GNAI1: variants seen among roughly 807,000 people sequenced by gnomAD.
The protein encoded by GNAI1 is G protein subunit alpha i1.
In GNAI1, 11 loss-of-function variants were observed where a neutral mutation model predicts 38.9. That is an observed-to-expected ratio of 0.28 (90% CI 0.18 to 0.47). GNAI1 has a LOEUF of 0.47. Ranked by LOEUF, GNAI1 falls within the 20% of genes least tolerant of loss-of-function variation. The pLI is 0.99. For missense variants in GNAI1, 317 were observed against 436.9 expected (o/e 0.73, Z 2.45); for synonymous variants, 166 against 145.1 (o/e 1.14, Z -1.04).
At position 80,224,889 on chromosome 7, in the gene GNAI1, T is replaced by C. The variant is rs1789133725; in HGVS notation, c.*7396T>C. On this transcript the variant is annotated 3_prime_UTR_variant, in exon 8 of 8. Transcript: ENST00000649796. ...TTAAAATTCTACTTTTTTTTACATT[T>C]TTAATGTGGTTTTGGAAAATAGGTA... is the stretch of plus-strand genomic sequence containing the variant. Among the ~76,000 whole-genome samples the C allele has an allele frequency of 6.6e-6, 1 of 152,238 alleles. No individual in the cohort carries two copies. The highest frequency in any genetic ancestry group is 1.5e-5 in the Non-Finnish European group (1 of 68,044).
intron 5 of GNAI1, among the ~76,000 whole-genome samples, chr7:80,205,098 A>G (rs573009266): frequency 6.6e-6 from 1 of 152,284 alleles, no homozygotes; most frequent in East Asian, 1.9e-4. Flanking sequence ...AGGAACACCA[A>G]ACACAAAGCC....
chr7:80,165,291 G>T (rs1584021214), intron 1 of GNAI1, among the ~76,000 whole-genome samples: 1 of 152,144 alleles, frequency 6.6e-6, no homozygotes, highest in East Asian at 1.9e-4. Context: ...GACCTTTCAA[G>T]TCCTTTCTTG....
chr7:80,210,346 A>G (rs913022483), intron 5 of GNAI1, among the ~76,000 whole-genome samples: 1 of 152,058 alleles, frequency 6.6e-6, no homozygotes, highest in Non-Finnish European at 1.5e-5. Flanking sequence ...AGGATCCCTC[A>G]TTTATTTCAT....
At position 80,221,131 on chromosome 7, in the gene GNAI1, G is replaced by A. The variant is rs1297142767; in HGVS notation, c.*3638G>A. Among the ~76,000 whole-genome samples the A allele has an allele frequency of 6.6e-6, 1 of 152,172 alleles. No homozygotes were observed. Among genetic ancestry groups the A allele is most frequent in the Non-Finnish European group, 1.5e-5 (1 of 68,040 alleles). On this transcript the variant is annotated 3_prime_UTR_variant, in exon 8 of 8. Transcript: ENST00000649796. ...TATGTTGGAAGTAGAAAGTGATGGT[G>A]AAAATCCTAGGCTCTGGCACCCCGT...
intron 4 of GNAI1, among the ~76,000 whole-genome samples, chr7:80,200,314 G>A (rs1206097199): frequency 3.8e-5 from 2 of 52,954 alleles, no homozygotes; most frequent in African/African-American, 3.6e-4. Context: ...GATGGAGTGA[G>A]GCCATGTCTC....
chr7:80,216,460 A>G (rs148188458), intron 7 of GNAI1, among the ~76,000 whole-genome samples: 1 of 152,180 alleles, frequency 6.6e-6, no homozygotes, highest in African/African-American at 2.4e-5. Flanking sequence ...CACAGACACT[A>G]TTGGTGAGGT....
At chr7:80,144,665 G>A (rs527580563) in intron 1 of GNAI1, among the ~76,000 whole-genome samples, 14 of 152,142 alleles carry the variant, frequency 9.2e-5, no homozygotes, top group East Asian at 3.9e-4. Flanking sequence ...TTTGACAGCC[G>A]TTGCTGAAGG....
At chr7:80,146,046 A>C (rs977125267) in intron 1 of GNAI1, among the ~76,000 whole-genome samples, 2 of 152,166 alleles carry the variant, frequency 1.3e-5, no homozygotes, top group Non-Finnish European at 2.9e-5. Flanking sequence ...CAGCTCAGGC[A>C]TTCCCTCTGC....
At chr7:80,177,024 C>CTTT (rs569135086) in intron 1 of GNAI1, among the ~76,000 whole-genome samples, 53 of 61,190 alleles carry the variant, frequency 8.7e-4, no homozygotes, top group East Asian at 2.0e-3. Context: ...GACAGCATAT[C>CTTT]TTTTTTTTTT....
intron 3 of GNAI1, among the ~76,000 whole-genome samples, chr7:80,198,127 T>C (rs775646958): frequency 9.9e-5 from 15 of 151,958 alleles, no homozygotes; most frequent in Non-Finnish European, 1.9e-4. Flanking sequence ...AGAGTTAGGT[T>C]ATCCAGTATG....
chr7:80,170,585 A>G (rs893475644), intron 1 of GNAI1, among the ~76,000 whole-genome samples: 1 of 152,220 alleles, frequency 6.6e-6, no homozygotes, highest in Non-Finnish European at 1.5e-5. Context: ...GGGAGGCATC[A>G]GGAAACTTTC....
At chr7:80,214,901 C>G (rs762541595) in intron 7 of GNAI1, among the ~76,000 whole-genome samples, 7 of 152,114 alleles carry the variant, frequency 4.6e-5, no homozygotes, top group Non-Finnish European at 1.0e-4. Context: ...GTGGTCAGCC[C>G]TAATTTCTCT....
At chr7:80,207,702 GT>G (rs75962714) in intron 5 of GNAI1, among the ~76,000 whole-genome samples, 26,700 of 151,848 alleles carry the variant, frequency 0.18, 3,887 homozygotes, top group African/African-American at 0.41. Flanking sequence ...TCATTTTGTG[GT>G]TTTTTTCGTG....
chr7:80,163,936 A>G (rs1787966753), intron 1 of GNAI1, among the ~76,000 whole-genome samples: 1 of 146,170 alleles, frequency 6.8e-6, no homozygotes. Flanking sequence ...TTTTTAGTGA[A>G]TCTATGCTGC....
chr7:80,168,129 T>C (rs1788043066), intron 1 of GNAI1, among the ~76,000 whole-genome samples: 1 of 152,132 alleles, frequency 6.6e-6, no homozygotes, highest in African/African-American at 2.4e-5. Context: ...CCATGAGAAC[T>C]TCAACTTGCA....
chr7:80,174,378 A>G (rs1487491429), intron 1 of GNAI1, among the ~76,000 whole-genome samples: 1 of 151,120 alleles, frequency 6.6e-6, no homozygotes, highest in Non-Finnish European at 1.5e-5. Flanking sequence ...TTTATGAATA[A>G]ACATATGTAT....
chr7:80,221,228 C>T lies in GNAI1; in HGVS notation c.*3735C>T, dbSNP rs368651965. 2.2e-4 allele frequency among the ~76,000 whole-genome samples: 34 copies of T among 152,168 alleles called. No homozygotes were observed. The South Asian group carries it at 7.1e-3, about 32-fold the overall frequency. ...GGCAAATAATTTAGTTTTGCTCTGCCTCCATTTATATCATCTGAAAATAAA... is the reference window on the plus strand; with the variant it reads ...GGCAAATAATTTAGTTTTGCTCTGCTTCCATTTATATCATCTGAAAATAAA... On this transcript the variant is annotated 3_prime_UTR_variant, in exon 8 of 8. Coordinates refer to ENST00000649796, the MANE Select transcript of GNAI1 (RefSeq NM_002069.6).
chr7:80,217,205 A>AAACTGACTTCAGTTTCATATGTATGT, intron 7 of GNAI1, 98 bp from the exon 8 acceptor site: 4 of 755,108 alleles, frequency 5.3e-6, no homozygotes, highest in Non-Finnish European at 8.3e-6. Flanking sequence ...AAACTGTATG[A>AAACTGACTTCAGTTTCATATGTATGT]AACTGACTTC....
chr7:80,135,606 C>T (rs1787395877), intron 1 of GNAI1: 1 of 248,358 alleles, frequency 4.0e-6, no homozygotes, highest in South Asian at 1.8e-4. Flanking sequence ...TTAGCTCAGC[C>T]TTGTAAAGAT....
Sources: allele counts gnomAD v4.1 joint callset (sites outside exome capture counted in the v4.1 genomes callset), GRCh38; gene constraint gnomAD v4.1.1; transcripts MANE v1.5; gene names NCBI Gene and HGNC (gene_info 2026-07-23, HGNC 2026-07-21).